RIPOR3: variants seen among roughly 807,000 people sequenced by gnomAD.
The protein encoded by RIPOR3 is RIPOR family member 3.
A neutral mutation model predicts 114.3 loss-of-function variants in RIPOR3; 95 were observed. The ratio of observed to expected loss-of-function variants is 0.83; its 90% confidence interval spans 0.70 to 0.99. The LOEUF (loss-of-function observed/expected upper bound fraction) is 0.99, where lower values mean the gene tolerates loss of function less well. Among genes scored for constraint, RIPOR3 ranks in the 50% least tolerant of loss-of-function variants. The pLI, the probability that RIPOR3 is intolerant of heterozygous loss-of-function variation, is 0.00. For missense variants in RIPOR3, 1,252 were observed against 1,266.9 expected, an observed-to-expected ratio of 0.99 and a Z score of 0.18; for synonymous variants, 575 against 543.8, an observed-to-expected ratio of 1.06 and a Z score of -0.80.
At chr20:50,668,373 G>A (rs936901227) in intron 1 of RIPOR3, among the ~76,000 whole-genome samples, 1 of 152,112 alleles carries the variant, frequency 6.6e-6, no homozygotes, top group Non-Finnish European at 1.5e-5. Context: ...GTGGTCCCCT[G>A]GTGGTGCCAA....
At chr20:50,610,369 T>C (rs1369499468) in intron 6 of RIPOR3, among the ~76,000 whole-genome samples, 1 of 151,994 alleles carries the variant, frequency 6.6e-6, no homozygotes, top group East Asian at 1.9e-4. Flanking sequence ...TTTTCAACAA[T>C]GAAATGGGAG....
intron 1 of RIPOR3, among the ~76,000 whole-genome samples, chr20:50,639,198 T>C (rs1376536436): frequency 2.6e-5 from 4 of 151,390 alleles, no homozygotes; most frequent in Middle Eastern, 3.4e-3. Context: ...GCCAAGATTA[T>C]GCCACTGCAC....
intron 11 of RIPOR3, among the ~76,000 whole-genome samples, chr20:50,608,055 G>A (rs2083791204): frequency 6.6e-6 from 1 of 152,110 alleles, no homozygotes; most frequent in Non-Finnish European, 1.5e-5. Flanking sequence ...GAGGGGGTGG[G>A]AGCAGCAAGG....
chr20:50,601,688 G>A (rs1568835508), intron 13 of RIPOR3, among the ~76,000 whole-genome samples: 1 of 152,132 alleles, frequency 6.6e-6, no homozygotes, highest in African/African-American at 2.4e-5. Flanking sequence ...AGTGCGGGGT[G>A]CGTGGATGAG....
At chr20:50,688,385 G>A (rs1331252074) in intron 1 of RIPOR3, among the ~76,000 whole-genome samples, 2 of 152,118 alleles carry the variant, frequency 1.3e-5, no homozygotes, top group Non-Finnish European at 2.9e-5. Flanking sequence ...AAACTCTTGG[G>A]CTCAAATGAT....
At chr20:50,650,448 G>A (rs1487068823) in intron 1 of RIPOR3, among the ~76,000 whole-genome samples, 3 of 152,060 alleles carry the variant, frequency 2.0e-5, no homozygotes, top group African/African-American at 7.2e-5. Context: ...GACCACAGGT[G>A]TGCACCACCA....
intron 12 of RIPOR3, among the ~76,000 whole-genome samples, chr20:50,603,383 G>A (rs1303262356): frequency 2.0e-5 from 3 of 152,132 alleles, no homozygotes; most frequent in Non-Finnish European, 2.9e-5. Flanking sequence ...GGATTACAGT[G>A]GCACTCCATG....
chr20:50,595,508 G>A lies in RIPOR3; in HGVS notation c.1915-4C>T. 1.9e-6 allele frequency: 3 copies of A among 1,613,732 alleles called. No homozygotes were observed. The highest frequency in any genetic ancestry group is 2.5e-6 in the Non-Finnish European group (3 of 1,179,872). On this transcript the variant is annotated splice_region_variant and splice_polypyrimidine_tract_variant and intron_variant, in intron 15 of 21. Coordinates refer to ENST00000327979, the MANE Select transcript of RIPOR3 (RefSeq NM_001290268.2). ...ATAAATTAGGGGAGGCCAGTTTCTG[G>A]GAAGCAGCCCAGATGCTCCAGATTA...
intron 5 of RIPOR3, 103 bp downstream of exon 5, chr20:50,611,078 A>ACCCAGG: frequency 6.3e-7 from 1 of 1,583,716 alleles, no homozygotes; most frequent in Non-Finnish European, 8.7e-7. Flanking sequence ...TGGGGAGGAG[A>ACCCAGG]CCCAGGTTTT....
intron 1 of RIPOR3, among the ~76,000 whole-genome samples, chr20:50,680,437 T>C (rs547655607): frequency 1.3e-5 from 2 of 152,252 alleles, no homozygotes; most frequent in Non-Finnish European, 2.9e-5. Context: ...GCAGCCAATA[T>C]GTTGGTGTTG....
chr20:50,686,391 G>A (rs1318958314), intron 1 of RIPOR3, among the ~76,000 whole-genome samples: 2 of 152,014 alleles, frequency 1.3e-5, no homozygotes, highest in African/African-American at 2.4e-5. Flanking sequence ...GGCCCAGGGT[G>A]AGTATAGGAG....
intron 16 of RIPOR3, chr20:50,595,037 G>T: frequency 6.2e-6 from 3 of 480,428 alleles, no homozygotes; most frequent in Non-Finnish European, 1.1e-5. Context: ...ACTGTTTGAC[G>T]GCACATTCTG....
At chr20:50,684,252 GGA>G (rs2086945457) in intron 1 of RIPOR3, among the ~76,000 whole-genome samples, 1 of 152,196 alleles carries the variant, frequency 6.6e-6, no homozygotes, top group South Asian at 2.1e-4. Flanking sequence ...AATTTTAAAT[GGA>G]GAGTCAGGAT....
At chr20:50,608,012 A>AT (rs2083787776) in intron 11 of RIPOR3, among the ~76,000 whole-genome samples, 3 of 152,108 alleles carry the variant, frequency 2.0e-5, no homozygotes, top group Admixed American at 6.5e-5. Flanking sequence ...GCTCAGCCCC[A>AT]GGCCAAGGGG....
At position 50,593,200 on chromosome 20, in the gene RIPOR3, G is replaced by C; in HGVS notation, c.2213-4C>G. 6.2e-7 allele frequency: 1 copy of C among 1,610,824 alleles called. No individual in the cohort carries two copies. Among genetic ancestry groups the C allele is most frequent in the East Asian group, 2.2e-5 (1 of 44,876 alleles). On this transcript the variant is annotated splice_polypyrimidine_tract_variant and splice_region_variant and intron_variant, in intron 17 of 21. Transcript: ENST00000327979. ...TGCTCCAGGAGCCTGCGGCACGCTG[G>C]CCAAAGGGGAGAGTACATCAGGAGA...
chr20:50,655,233 C>T (rs2085767598), intron 1 of RIPOR3, among the ~76,000 whole-genome samples: 1 of 152,158 alleles, frequency 6.6e-6, no homozygotes, highest in Non-Finnish European at 1.5e-5. Context: ...GAAGAGGTTG[C>T]GTTCTCAGGC....
Position 50,620,103 on chromosome 20 carries a change from G to A in RIPOR3, c.152C>T (p.Ser51Leu), listed in dbSNP as rs1320717438. 10 of 1,613,982 alleles carry A rather than the reference G, an allele frequency of 6.2e-6. No individual in the cohort carries two copies. Among genetic ancestry groups the A allele is most frequent in the Admixed American group, 1.7e-5 (1 of 59,998 alleles). Reference sequence around the variant, plus strand: ...CTTGGAGGATTTTGCAGGCATTCGCGATCTCACGGAGTTCCTGTTGATGGA... The same window carrying A: ...CTTGGAGGATTTTGCAGGCATTCGCAATCTCACGGAGTTCCTGTTGATGGA... ...AKSINRNSVR[S>L]RMPAKSSKMY... Residue 51 changes from serine (S) to leucine (L), a missense_variant, in exon 3 of 22, where the codon TCG (serine) becomes TTG (leucine). Coordinates refer to ENST00000327979, the MANE Select transcript of RIPOR3 (RefSeq NM_001290268.2).
At chr20:50,685,534 A>T (rs79883830) in intron 1 of RIPOR3, among the ~76,000 whole-genome samples, 5 of 151,678 alleles carry the variant, frequency 3.3e-5, no homozygotes, top group South Asian at 2.1e-4. Context: ...AAAATTTTTT[A>T]AAAAATAGGC....
intron 4 of RIPOR3, among the ~76,000 whole-genome samples, chr20:50,613,630 C>T (rs1263263111): frequency 6.6e-5 from 10 of 152,132 alleles, no homozygotes; most frequent in African/African-American, 1.2e-4. Flanking sequence ...GGCTCCAGTG[C>T]GGTCACTGTG....
Sources: gnomAD v4.1 joint callset for allele counts (sites outside exome capture counted in the v4.1 genomes callset) on GRCh38, gnomAD v4.1.1 for gene constraint, MANE v1.5 for transcripts, NCBI Gene and HGNC (gene_info 2026-07-23, HGNC 2026-07-21) for gene names.